KCNMA1: variants seen among roughly 807,000 people sequenced by gnomAD.
The protein encoded by KCNMA1 is potassium calcium-activated channel subfamily M alpha 1.
In KCNMA1, 29 loss-of-function variants were observed where a neutral mutation model predicts 140.0. The observed-to-expected ratio is 0.21, with a 90% CI of 0.15 to 0.28. The LOEUF is 0.28. Ranked by LOEUF, KCNMA1 falls within the 10% of genes least tolerant of loss-of-function variation. The probability of loss-of-function intolerance (pLI) is 1.00; values close to 1 mark genes in which losing one functional copy is unlikely to be tolerated. For synonymous variants in KCNMA1, 612 were observed against 611.9 expected (o/e 1.00, Z 0.00); for missense variants, 880 against 1,602.2 (o/e 0.55, Z 7.70).
In KCNMA1 at chr10:77,539,096, A is replaced by T. The variant is rs149298303; in HGVS notation, c.378+98169T>A. Among the ~76,000 whole-genome samples the T allele has an allele frequency of 1.1e-4, 17 of 152,068 alleles. No individual in the cohort carries two copies. In the East Asian group the frequency reaches 3.3e-3, roughly 30 times the overall value. The stretch of plus-strand genomic sequence containing the variant: ...TAGGGAAGAAGCTGGAGACTCTGAG[A>T]CTTACACCATTCATAAACCAGCTCC... On this transcript the variant is annotated intron_variant, in intron 1 of 27. Coordinates refer to ENST00000286628, the MANE Select transcript of KCNMA1 (RefSeq NM_001161352.2).
At chr10:77,191,359 A>G (rs2098936850) in intron 3 of KCNMA1, among the ~76,000 whole-genome samples, 1 of 152,210 alleles carries the variant, frequency 6.6e-6, no homozygotes, top group Non-Finnish European at 1.5e-5. Context: ...TAATATTTAT[A>G]TAGAACATTT....
intron 1 of KCNMA1, among the ~76,000 whole-genome samples, chr10:77,454,648 A>G (rs1420066416): frequency 6.6e-6 from 1 of 152,216 alleles, no homozygotes; most frequent in East Asian, 1.9e-4. Context: ...AGCGATCACG[A>G]TACACGAACA....
In KCNMA1 at chr10:77,012,262, T is replaced by TA. The variant is rs1380243687; in HGVS notation, c.2016-220dup. The TA allele has an allele frequency of 4.1e-6, 6 of 1,461,574 alleles. No individual in the cohort carries two copies. In the African/African-American group the frequency reaches 5.7e-5, roughly 14 times the overall value. 90.5% of individuals were successfully genotyped at this position (1,461,574 alleles called of 1,614,324 possible). ...TGATTTGAGTTAGTGCTCCTTTTCA[T>TA]AAACTTCCATTTACAAAGAAACTGG... On this transcript the variant is annotated intron_variant, in intron 17 of 27. Transcript: ENST00000286628.
chr10:77,333,594 T>G (rs2087559769), intron 2 of KCNMA1, among the ~76,000 whole-genome samples: 1 of 152,170 alleles, frequency 6.6e-6, no homozygotes, highest in Admixed American at 6.5e-5. Context: ...ATGGCAACAT[T>G]TTTAGGCCTC....
At chr10:77,630,354 C>T (rs759771089) in intron 1 of KCNMA1, among the ~76,000 whole-genome samples, 4 of 152,164 alleles carry the variant, frequency 2.6e-5, no homozygotes, top group South Asian at 4.1e-4. Flanking sequence ...CCAACTGGCA[C>T]GAGGAAGAGC....
Position 77,183,332 on chromosome 10 carries a change from A to T in KCNMA1, c.808+89T>A, listed in dbSNP as rs926207998. ...CATTAATACATACAACATTGTTTGT[A>T]GGGAGACAGCCCCCTCATCCACTGC... On this transcript the variant is annotated intron_variant, in intron 5 of 27. Transcript: ENST00000286628. 1.5e-5 allele frequency: 13 copies of T among 847,858 alleles called. No homozygotes were observed. The African/African-American group carries it at 2.2e-4, about 14-fold the overall frequency. The allele number at this position is 847,858 out of a possible 1,614,324, so 52.5% of individuals were successfully genotyped here.
chr10:77,307,000 GT>G (rs1311585994), intron 2 of KCNMA1, among the ~76,000 whole-genome samples: 2 of 152,208 alleles, frequency 1.3e-5, no homozygotes, highest in Non-Finnish European at 2.9e-5. Flanking sequence ...CACCTCACCA[GT>G]GCAACATAGC....
chr10:77,127,139 T>C (rs999019392), intron 5 of KCNMA1, among the ~76,000 whole-genome samples: 5 of 151,320 alleles, frequency 3.3e-5, no homozygotes, highest in African/African-American at 1.2e-4. Context: ...ATAGTGTTAC[T>C]ATTATTTTAA....
chr10:77,042,325 T>C (rs1416893445), intron 14 of KCNMA1, among the ~76,000 whole-genome samples: 2 of 152,252 alleles, frequency 1.3e-5, no homozygotes, highest in Non-Finnish European at 2.9e-5. Context: ...GCTTGACTTA[T>C]AAGCAAAGGT....
intron 1 of KCNMA1, among the ~76,000 whole-genome samples, chr10:77,472,234 A>C (rs2098177831): frequency 6.6e-6 from 1 of 151,764 alleles, no homozygotes; most frequent in African/African-American, 2.4e-5. Flanking sequence ...CTATACATAC[A>C]TCACATAGAC....
chr10:77,506,591 G>T (rs1310455164), intron 1 of KCNMA1, among the ~76,000 whole-genome samples: 1 of 112,540 alleles, frequency 8.9e-6, no homozygotes, highest in Non-Finnish European at 1.7e-5. Context: ...GAGAGAGAGA[G>T]AGAGAGTGTG....
At position 76,885,081 on chromosome 10, in the gene KCNMA1, G is replaced by C; in HGVS notation, c.*2185C>G. ...CTTTTAAACTGTCATATTTCCTGTTGAGCACTTTAACTGGCACATTCTTAT... is the reference window on the plus strand; with the variant it reads ...CTTTTAAACTGTCATATTTCCTGTTCAGCACTTTAACTGGCACATTCTTAT... On this transcript the variant is annotated 3_prime_UTR_variant, in exon 28 of 28. Transcript: ENST00000286628. 1 of 1,540,886 alleles carries C rather than the reference G, an allele frequency of 6.5e-7. No individual in the cohort carries two copies. The highest frequency in any genetic ancestry group is 1.2e-5 in the South Asian group (1 of 81,958).
intron 1 of KCNMA1, among the ~76,000 whole-genome samples, chr10:77,443,929 T>C (rs917658181): frequency 1.9e-4 from 29 of 152,304 alleles, no homozygotes; most frequent in African/African-American, 7.0e-4. Context: ...GTTTCTAGCA[T>C]AAAGACAAAT....
chr10:77,281,702 T>G (rs2068657967), intron 2 of KCNMA1, among the ~76,000 whole-genome samples: 1 of 152,038 alleles, frequency 6.6e-6, no homozygotes, highest in Non-Finnish European at 1.5e-5. Context: ...GCCTGACTGG[T>G]AATAAAAAGG....
At chr10:77,266,662 T>C (rs2063527138) in intron 2 of KCNMA1, among the ~76,000 whole-genome samples, 1 of 152,180 alleles carries the variant, frequency 6.6e-6, no homozygotes, top group African/African-American at 2.4e-5. Flanking sequence ...CTTCCCTAAT[T>C]ACCCTGAATC....
chr10:77,260,212 C>T (rs2061667333), intron 2 of KCNMA1, among the ~76,000 whole-genome samples: 1 of 152,064 alleles, frequency 6.6e-6, no homozygotes, highest in African/African-American at 2.4e-5. Context: ...CACACAGACT[C>T]AAAGGGGATG....
At chr10:77,255,896 G>A (rs1444928850) in intron 2 of KCNMA1, among the ~76,000 whole-genome samples, 4 of 131,496 alleles carry the variant, frequency 3.0e-5, no homozygotes, top group Admixed American at 8.4e-5. Flanking sequence ...CTGGGCAACA[G>A]AGTGAGACTC....
chr10:77,579,870 A>G (rs765079381), intron 1 of KCNMA1, among the ~76,000 whole-genome samples: 5 of 152,186 alleles, frequency 3.3e-5, no homozygotes, highest in Non-Finnish European at 7.3e-5. Context: ...TGGGGCAGTG[A>G]GGCAGGTGTC....
At chr10:77,158,904 T>C (rs1356228186) in intron 5 of KCNMA1, among the ~76,000 whole-genome samples, 1 of 152,194 alleles carries the variant, frequency 6.6e-6, no homozygotes, top group Non-Finnish European at 1.5e-5. Flanking sequence ...CCTCATACTC[T>C]CACCCCATGC....
Sources: gnomAD v4.1 joint callset for allele counts (sites outside exome capture counted in the v4.1 genomes callset) on GRCh38, gnomAD v4.1.1 for gene constraint, MANE v1.5 for transcripts, NCBI Gene and HGNC (gene_info 2026-07-23, HGNC 2026-07-21) for gene names.